SYCP2: variants seen among roughly 807,000 people sequenced by gnomAD.
SYCP2 encodes synaptonemal complex lateral element protein.
SYCP2 carries 55 observed loss-of-function variants against 211.3 expected under a neutral mutation model. The ratio of observed to expected loss-of-function variants is 0.26; its 90% confidence interval spans 0.21 to 0.33. The LOEUF (loss-of-function observed/expected upper bound fraction) is 0.33. SYCP2 is among the 10% of genes least tolerant of loss of function. SYCP2 has a pLI of 1.00. For missense variants in SYCP2, 1,731 were observed against 1,752.0 expected, an observed-to-expected ratio of 0.99 and a Z score of 0.21; for synonymous variants, 570 against 555.2, an observed-to-expected ratio of 1.03 and a Z score of -0.37.
chr20:59,887,898 A>G (rs1374012555), intron 24 of SYCP2, among the ~76,000 whole-genome samples: 1 of 152,034 alleles, frequency 6.6e-6, no homozygotes, highest in Non-Finnish European at 1.5e-5. Flanking sequence ...TATGAATTCC[A>G]TGCCCGCAAA....
At chr20:59,878,395 CTT>C (rs2059601793) in intron 31 of SYCP2, among the ~76,000 whole-genome samples, 1 of 152,134 alleles carries the variant, frequency 6.6e-6, no homozygotes, top group Non-Finnish European at 1.5e-5. Flanking sequence ...GAATTGATAA[CTT>C]TTACTGTAAA....
intron 20 of SYCP2, among the ~76,000 whole-genome samples, chr20:59,894,760 T>TA (rs973196189): frequency 2.6e-5 from 4 of 152,008 alleles, no homozygotes; most frequent in African/African-American, 9.7e-5. Flanking sequence ...CAAAAGCTAT[T>TA]AGATGTTCCT....
intron 14 of SYCP2, among the ~76,000 whole-genome samples, chr20:59,909,225 T>G (rs1263393294): frequency 6.6e-6 from 1 of 152,242 alleles, no homozygotes; most frequent in African/African-American, 2.4e-5. Context: ...TTAAAACCCA[T>G]GGTTCTGTCA....
In SYCP2 at chr20:59,865,297, AAAAG is replaced by A. The variant is rs778211153; in HGVS notation, c.4515+87_4515+90del. 749 of 1,025,738 alleles carry A rather than the reference AAAAG, an allele frequency of 7.3e-4. 1 individual carries two copies. The highest frequency in any genetic ancestry group is 1.0e-3 in the Non-Finnish European group (688 of 685,830). 63.5% of individuals were successfully genotyped at this position (1,025,738 alleles called of 1,614,324 possible). ...AACTATTTTCTCTCAACCCAAAAGA[AAAAG>A]AAAGACATAAAAGCACACACACAAA... On this transcript the variant is annotated intron_variant, in intron 44 of 44. Coordinates refer to ENST00000357552, the MANE Select transcript of SYCP2 (RefSeq NM_014258.4).
At chr20:59,877,220 G>A (rs2059578322) in intron 33 of SYCP2, among the ~76,000 whole-genome samples, 165 bp downstream of exon 33, 1 of 152,110 alleles carries the variant, frequency 6.6e-6, no homozygotes, top group African/African-American at 2.4e-5. Context: ...ACAAAATTTA[G>A]CATTATATTG....
At chr20:59,933,160 C>A (rs575806558) in intron 1 of SYCP2, 2 of 152,356 alleles carry the variant, frequency 1.3e-5, no homozygotes, top group Non-Finnish European at 2.9e-5. Flanking sequence ...TCAGCCTCCT[C>A]GGGCCGGCGA....
chr20:59,886,017 TAA>T (rs958456602), intron 25 of SYCP2, 53 bp from the exon 26 acceptor site: 81 of 1,340,022 alleles, frequency 6.0e-5, no homozygotes, highest in Non-Finnish European at 7.4e-5. Flanking sequence ...ATCAATATCA[TAA>T]AAGTCATTTT....
intron 41 of SYCP2, 67 bp downstream of exon 41, chr20:59,866,226 T>G (rs2059329646): frequency 1.9e-6 from 2 of 1,063,038 alleles, no homozygotes; most frequent in South Asian, 3.4e-5. Context: ...AAAAGAAAGT[T>G]TTTCCAAGTA....
intron 18 of SYCP2, among the ~76,000 whole-genome samples, chr20:59,898,098 T>G (rs1241465690): frequency 6.6e-6 from 1 of 152,076 alleles, no homozygotes; most frequent in Non-Finnish European, 1.5e-5. Context: ...CCAGCCTGTG[T>G]GACAGAACGA....
At chr20:59,907,515 A>G in intron 14 of SYCP2, 91 bp from the exon 15 acceptor site, 1 of 1,061,642 alleles carries the variant, frequency 9.4e-7, no homozygotes, top group East Asian at 2.5e-5. Flanking sequence ...AGGAACTATG[A>G]ATTCTTTTTG....
rs1468339893 is a variant in SYCP2, at chr20:59,877,479, G to A, written c.3056C>T (p.Thr1019Ile). The A allele has an allele frequency of 6.2e-7, 1 of 1,602,174 alleles. No homozygotes were observed. Among genetic ancestry groups the A allele is most frequent in the Non-Finnish European group, 8.5e-7 (1 of 1,176,750 alleles). The change falls in exon 33 of 45, where the codon ACC (threonine) becomes ATC (isoleucine). Residue 1019 changes from threonine (T) to isoleucine (I), a missense_variant. By Grantham distance (89) the Thr-to-Ile change is moderately conservative. Transcript: ENST00000357552. ...EGRIRLPRKATKTKKNYKDLS... is the reference protein window; with the variant it reads ...EGRIRLPRKAIKTKKNYKDLS... ...ATCTTTATAGTTTTTTTTTGTTTTG[G>A]TTGCTTTTCGTGGAAGTCTGATTCT...
chr20:59,889,560 T>C (rs2059863572), intron 24 of SYCP2, among the ~76,000 whole-genome samples: 1 of 152,026 alleles, frequency 6.6e-6, no homozygotes, highest in African/African-American at 2.4e-5. Context: ...TGTAGTAATA[T>C]ACACAAAAAT....
At position 59,931,402 on chromosome 20, in the gene SYCP2, A is replaced by C. The variant is rs564239723; in HGVS notation, c.-47+660T>G. On this transcript the variant is annotated intron_variant, in intron 2 of 44. Coordinates refer to ENST00000357552, the MANE Select transcript of SYCP2 (RefSeq NM_014258.4). ...AGAGCAAGACCCTGTCTCAATAATA[A>C]TCATCATAGCCATACATGTAGTTTT... is the stretch of plus-strand genomic sequence containing the variant. 6.6e-5 allele frequency among the ~76,000 whole-genome samples: 10 copies of C among 152,296 alleles called. No individual in the cohort carries two copies. The South Asian group carries it at 8.3e-4, about 13-fold the overall frequency.
chr20:59,879,338 A>G (rs1365975982), intron 31 of SYCP2, among the ~76,000 whole-genome samples: 1 of 148,576 alleles, frequency 6.7e-6, no homozygotes, highest in East Asian at 2.0e-4. Context: ...TTCCTCATGT[A>G]TCTGGTGACC....
chr20:59,867,874 G>A (rs558570329), intron 38 of SYCP2, 27 bp from the exon 39 acceptor site: 1 of 1,544,240 alleles, frequency 6.5e-7, no homozygotes, highest in Non-Finnish European at 8.9e-7. Flanking sequence ...ATCTGCTGAA[G>A]TTAAAATATG....
Position 59,881,511 on chromosome 20 carries a change from A to T in SYCP2, c.2659-19T>A, listed in dbSNP as rs564857558. On this transcript the variant is annotated intron_variant, in intron 28 of 44. Transcript: ENST00000357552. ...CTTGGATCTATATTGTAAATAAACAAAAAAAAAGAGGTGTCAGTGTCAAAA... is the reference window on the plus strand; with the variant it reads ...CTTGGATCTATATTGTAAATAAACATAAAAAAAGAGGTGTCAGTGTCAAAA... 6.6e-5 allele frequency: 89 copies of T among 1,342,006 alleles called. No individual in the cohort carries two copies. The highest frequency in any genetic ancestry group is 9.0e-5 in the Non-Finnish European group (89 of 991,758). 83.1% of individuals were successfully genotyped at this position (1,342,006 alleles called of 1,614,324 possible).
chr20:59,908,503 CTG>C (rs941705979), intron 14 of SYCP2, among the ~76,000 whole-genome samples: 2 of 152,106 alleles, frequency 1.3e-5, no homozygotes, highest in African/African-American at 4.8e-5. Context: ...CCTCCTATTT[CTG>C]TGTGTAAAAA....
chr20:59,917,551 T>A (rs979161118), intron 7 of SYCP2, among the ~76,000 whole-genome samples: 1 of 152,162 alleles, frequency 6.6e-6, no homozygotes, highest in African/African-American at 2.4e-5. Context: ...ATTTTTTCCC[T>A]AAAAACTTAA....
intron 25 of SYCP2, 24 bp from the exon 26 acceptor site, chr20:59,885,988 AT>A: frequency 6.3e-7 from 1 of 1,582,050 alleles, no homozygotes. Context: ...TTTTGTCAAA[AT>A]TGAAAAAGCA....
Sources: allele counts gnomAD v4.1 joint callset (sites outside exome capture counted in the v4.1 genomes callset), GRCh38; gene constraint gnomAD v4.1.1; transcripts MANE v1.5; gene names NCBI Gene and HGNC (gene_info 2026-07-23, HGNC 2026-07-21).